STAG1: variants seen among roughly 807,000 people sequenced by gnomAD.
STAG1 encodes cohesin subunit SA-1.
A neutral mutation model predicts 170.9 loss-of-function variants in STAG1; 26 were observed. That is an observed-to-expected ratio of 0.15 (90% CI 0.11 to 0.21). The LOEUF (loss-of-function observed/expected upper bound fraction) is 0.21. STAG1 is among the 10% of genes least tolerant of loss of function. The pLI is 1.00. For missense variants in STAG1, 964 were observed against 1,509.5 expected, an observed-to-expected ratio of 0.64 and a Z score of 5.99; for synonymous variants, 514 against 497.7, an observed-to-expected ratio of 1.03 and a Z score of -0.44.
Position 136,473,582 on chromosome 3 carries a change from C to T in STAG1, c.1082G>A (p.Arg361Lys), listed in dbSNP as rs1225848277. ...TAGTTCCAATTTGGGGAATAATTCT[C>T]TATTGGTATATAGACTCTGCAGAGC... ...LKALQSLYTN[R>K]ELFPKLELFT... is the part of the protein sequence containing the mutation. Residue 361 changes from arginine to lysine, a missense_variant, in exon 11 of 34, where the codon AGA (arginine) becomes AAA (lysine). Arg to Lys is a conservative substitution (Grantham distance 26). Transcript: ENST00000383202. 3 of 1,612,506 alleles carry T rather than the reference C, an allele frequency of 1.9e-6. No individual in the cohort carries two copies. The highest frequency in any genetic ancestry group is 2.5e-6 in the Non-Finnish European group (3 of 1,179,300).
rs570327348 is a variant in STAG1 at position 136,577,883 on chromosome 3, A to C, written c.298-9022T>G. On this transcript the variant is annotated intron_variant, in intron 4 of 33. Transcript: ENST00000383202. ...CTAGAGATTCCAGACTTCATACATTAGTTCCTGTCGCTGAAAGTGACTACA... is the reference window on the plus strand; with the variant it reads ...CTAGAGATTCCAGACTTCATACATTCGTTCCTGTCGCTGAAAGTGACTACA... 6.6e-5 allele frequency among the ~76,000 whole-genome samples: 10 copies of C among 152,342 alleles called. No homozygotes were observed. In the South Asian group the frequency reaches 2.1e-3, roughly 32 times the overall value.
chr3:136,714,702 TG>T (rs1943472814), intron 1 of STAG1, among the ~76,000 whole-genome samples: 1 of 151,906 alleles, frequency 6.6e-6, no homozygotes, highest in South Asian at 2.1e-4. Context: ...CACTCCAGCC[TG>T]GGTGACACAG....
chr3:136,497,683 A>T lies in STAG1; in HGVS notation c.902+2540T>A, dbSNP rs74355101. On this transcript the variant is annotated intron_variant, in intron 9 of 33. Coordinates refer to ENST00000383202, the MANE Select transcript of STAG1 (RefSeq NM_005862.3). ...GTGAAACCCTGTCTCTAGTTAAAAA[A>T]AAAATAAAATAAATACAAAAAATTA... 9.9e-3 allele frequency among the ~76,000 whole-genome samples: 1,506 copies of T among 151,778 alleles called. 15 individuals carry two copies. Among genetic ancestry groups the T allele is most frequent in the African/African-American group, 0.027 (1,110 of 41,372 alleles).
intron 5 of STAG1, among the ~76,000 whole-genome samples, chr3:136,550,333 A>T (rs1040206094): frequency 2.0e-5 from 3 of 149,388 alleles, no homozygotes; most frequent in Non-Finnish European, 1.5e-5. Context: ...TTTGAGACAG[A>T]GTCTCACTCT....
intron 1 of STAG1, among the ~76,000 whole-genome samples, chr3:136,633,842 G>A (rs902779492): frequency 6.7e-6 from 1 of 150,304 alleles, no homozygotes; most frequent in Non-Finnish European, 1.5e-5. Flanking sequence ...TTTAAAAACT[G>A]GCCAGGCACA....
intron 7 of STAG1, among the ~76,000 whole-genome samples, chr3:136,505,035 T>C (rs1933686512): frequency 6.6e-6 from 1 of 152,172 alleles, no homozygotes. Flanking sequence ...CTTCATTGAA[T>C]AACACATAAA....
intron 1 of STAG1, among the ~76,000 whole-genome samples, chr3:136,670,537 G>A (rs776087515): frequency 4.6e-5 from 7 of 152,182 alleles, no homozygotes; most frequent in Non-Finnish European, 7.4e-5. Flanking sequence ...CTGGAGTGCA[G>A]TGGCACAATC....
intron 9 of STAG1, among the ~76,000 whole-genome samples, chr3:136,495,685 A>C (rs1933042636): frequency 6.6e-6 from 1 of 151,484 alleles, no homozygotes; most frequent in Admixed American, 6.6e-5. Flanking sequence ...ATACAAAATT[A>C]GGGCCGGGCA....
At chr3:136,355,448 A>G (rs1936615909) in intron 28 of STAG1, among the ~76,000 whole-genome samples, 1 of 151,980 alleles carries the variant, frequency 6.6e-6, no homozygotes, top group African/African-American at 2.4e-5. Flanking sequence ...AGGGACAAAT[A>G]GACAATTCAA....
rs1222215331 is a variant in STAG1, at chr3:136,657,199, T to C, written c.-83-26218A>G. 6.2e-4 allele frequency among the ~76,000 whole-genome samples: 89 copies of C among 142,776 alleles called. 2 individuals carry two copies. The highest frequency in any genetic ancestry group is 2.0e-3 in the African/African-American group (78 of 38,620). 93.7% of individuals were successfully genotyped at this position (142,776 alleles called of 152,430 possible). Reference sequence around the variant, plus strand: ...CACGTTTCTTTCTTTCTTTTTTTTTTTTTTTTTTTTTTTTTTTGAGACAAA... The same window carrying C: ...CACGTTTCTTTCTTTCTTTTTTTTTCTTTTTTTTTTTTTTTTTGAGACAAA... On this transcript the variant is annotated intron_variant, in intron 1 of 33. Coordinates refer to ENST00000383202, the MANE Select transcript of STAG1 (RefSeq NM_005862.3).
At chr3:136,676,509 A>T (rs1305235753) in intron 1 of STAG1, among the ~76,000 whole-genome samples, 1 of 152,112 alleles carries the variant, frequency 6.6e-6, no homozygotes, top group Non-Finnish European at 1.5e-5. Flanking sequence ...GAAGTGACTC[A>T]ATCATAGCTC....
intron 1 of STAG1, among the ~76,000 whole-genome samples, chr3:136,694,200 A>T (rs1439772292): frequency 2.0e-5 from 3 of 152,168 alleles, no homozygotes; most frequent in Non-Finnish European, 4.4e-5. Context: ...TTGCAAGTTG[A>T]TACTTATCCC....
At chr3:136,603,743 C>T (rs768304252) in intron 4 of STAG1, among the ~76,000 whole-genome samples, 1 of 151,964 alleles carries the variant, frequency 6.6e-6, no homozygotes, top group Non-Finnish European at 1.5e-5. Context: ...AAAAATTAGC[C>T]GGGCATGGTG....
In STAG1 at chr3:136,336,940, T is replaced by G. The variant is rs1297064312; in HGVS notation, c.*1314A>C. 1.8e-5 allele frequency: 2 copies of G among 112,280 alleles called. No individual in the cohort carries two copies. The highest frequency in any genetic ancestry group is 3.6e-5 in the Non-Finnish European group (2 of 56,022). 7.0% of individuals were successfully genotyped at this position (112,280 alleles called of 1,614,324 possible). A position where few individuals can be genotyped will look rare whatever the true frequency, so the allele number is the denominator to read the frequency against. On this transcript the variant is annotated 3_prime_UTR_variant, in exon 34 of 34. Coordinates refer to ENST00000383202, the MANE Select transcript of STAG1 (RefSeq NM_005862.3). Reference sequence around the variant, plus strand: ...GAATTGGTTTGGAAATTCTGAGGCTTACTTTAGAAATCAGAAAGGAAGAGA... The same window carrying G: ...GAATTGGTTTGGAAATTCTGAGGCTGACTTTAGAAATCAGAAAGGAAGAGA...
chr3:136,599,593 C>G (rs757371010), intron 4 of STAG1, among the ~76,000 whole-genome samples: 2 of 152,078 alleles, frequency 1.3e-5, no homozygotes, highest in African/African-American at 2.4e-5. Context: ...GATCTCTTCC[C>G]TTGGTATATT....
At chr3:136,484,206 G>A (rs1437544622) in intron 9 of STAG1, among the ~76,000 whole-genome samples, 1 of 151,432 alleles carries the variant, frequency 6.6e-6, no homozygotes, top group Non-Finnish European at 1.5e-5. Context: ...CCATCTTTGT[G>A]GTTTTATCTA....
intron 2 of STAG1, among the ~76,000 whole-genome samples, chr3:136,627,998 A>G (rs1940180057): frequency 6.6e-6 from 1 of 152,154 alleles, no homozygotes; most frequent in African/African-American, 2.4e-5. Flanking sequence ...TTATATCTCT[A>G]TCATGCTGAT....
chr3:136,626,462 A>G (rs1189168147), intron 2 of STAG1, among the ~76,000 whole-genome samples: 1 of 151,886 alleles, frequency 6.6e-6, no homozygotes, highest in African/African-American at 2.4e-5. Context: ...AAAACCATAC[A>G]GTATATATTT....
chr3:136,418,541 AT>A (rs2087849161), intron 20 of STAG1, among the ~76,000 whole-genome samples: 1 of 152,022 alleles, frequency 6.6e-6, no homozygotes. Context: ...CAACAAAAAA[AT>A]AAAACCTGAC....
Sources: gnomAD v4.1 joint callset for allele counts (sites outside exome capture counted in the v4.1 genomes callset) on GRCh38, gnomAD v4.1.1 for gene constraint, MANE v1.5 for transcripts, NCBI Gene and HGNC (gene_info 2026-07-23, HGNC 2026-07-21) for gene names.